Variants in THADA observed in about 807,000 individuals in gnomAD.
THADA encodes the protein tRNA (32-2'-O)-methyltransferase regulator THADA.
In THADA, 213 loss-of-function variants were observed where a neutral mutation model predicts 219.8. The observed-to-expected ratio is 0.97, with a 90% CI of 0.87 to 1.09. THADA has a LOEUF of 1.09. Among genes scored for constraint, THADA ranks in the 50% least tolerant of loss-of-function variants. THADA has a pLI of 0.00. For synonymous variants in THADA, 1,018 were observed against 828.9 expected (o/e 1.23, Z -3.92); for missense variants, 2,956 against 2,311.3 (o/e 1.28, Z -5.72).
intron 26 of THADA, among the ~76,000 whole-genome samples, chr2:43,474,964 G>GA (rs1224233997): frequency 3.3e-5 from 5 of 152,008 alleles, no homozygotes; most frequent in Non-Finnish European, 5.9e-5. Context: ...AGTATATGCT[G>GA]AAAAAAACAT....
chr2:43,289,976 GT>G (rs59073038), intron 34 of THADA, among the ~76,000 whole-genome samples: 72,352 of 91,896 alleles, frequency 0.79, 27,570 homozygotes, highest in East Asian at 0.93. Context: ...TTTTGTTTTT[GT>G]TTTTTTTTTT....
At chr2:43,430,661 T>A in intron 26 of THADA, 1 of 457,884 alleles carries the variant, frequency 2.2e-6, no homozygotes, top group Non-Finnish European at 4.4e-6. Flanking sequence ...CTGACTCAGC[T>A]TCAGTGATAA....
At chr2:43,428,725 T>C (rs1270365702) in intron 27 of THADA, among the ~76,000 whole-genome samples, 1 of 152,148 alleles carries the variant, frequency 6.6e-6, no homozygotes, top group Non-Finnish European at 1.5e-5. Flanking sequence ...AAAAAACTAC[T>C]AGCAAAACAG....
intron 30 of THADA, among the ~76,000 whole-genome samples, chr2:43,340,905 G>T (rs780232338): frequency 2.0e-5 from 3 of 152,170 alleles, no homozygotes; most frequent in Non-Finnish European, 4.4e-5. Flanking sequence ...ACAACTCCCA[G>T]AACAAGAGGA....
chr2:43,434,843 T>G (rs1374214600), intron 26 of THADA, among the ~76,000 whole-genome samples: 2 of 151,520 alleles, frequency 1.3e-5, no homozygotes, highest in Non-Finnish European at 2.9e-5. Flanking sequence ...GGCAAGGGGG[T>G]CTAATTGAGC....
chr2:43,588,907 T>C (rs979870916), intron 4 of THADA, among the ~76,000 whole-genome samples: 3 of 152,268 alleles, frequency 2.0e-5, no homozygotes, highest in Admixed American at 2.0e-4. Flanking sequence ...TTATACCATG[T>C]AATATAAATC....
chr2:43,320,647 C>A lies in THADA; in HGVS notation c.4344-107G>T, dbSNP rs1018141408. Reference sequence around the variant, plus strand: ...TCTATGGTATATGATGGGGCTTAAGCAGCTATGGCAAATATTAAGAAATGA... The same window carrying A: ...TCTATGGTATATGATGGGGCTTAAGAAGCTATGGCAAATATTAAGAAATGA... On this transcript the variant is annotated intron_variant, in intron 30 of 37. Transcript: ENST00000405975. 7.3e-6 allele frequency: 5 copies of A among 687,764 alleles called. No individual in the cohort carries two copies. In the African/African-American group the frequency reaches 9.0e-5, roughly 12 times the overall value. 42.6% of individuals were successfully genotyped at this position (687,764 alleles called of 1,614,324 possible).
intron 29 of THADA, among the ~76,000 whole-genome samples, chr2:43,360,179 T>G (rs146425458): frequency 3.3e-5 from 5 of 152,232 alleles, no homozygotes; most frequent in Non-Finnish European, 7.3e-5. Flanking sequence ...TCTCATGCCA[T>G]AGCACTTATC....
Position 43,428,113 on chromosome 2 carries a change from G to T in THADA, c.4045C>A (p.Pro1349Thr). The change falls in exon 28 of 38, where the codon CCC becomes ACC. Residue 1349 changes from proline to threonine, a missense_variant. Pro to Thr is a conservative substitution (Grantham distance 38). Coordinates refer to ENST00000405975, the MANE Select transcript of THADA (RefSeq NM_022065.5). ...GCATGACACTACCTCATAATGAAGGGAACAAAAGGTCCCATGCTGAGAGCA... is the reference window on the plus strand; with the variant it reads ...GCATGACACTACCTCATAATGAAGGTAACAAAAGGTCCCATGCTGAGAGCA... Reference protein sequence around the residue: ...SSALSMGPFVPFIMRCGHSPV... With the variant: ...SSALSMGPFVTFIMRCGHSPV... 1 of 1,609,158 alleles carries T rather than the reference G, an allele frequency of 6.2e-7. No individual in the cohort carries two copies. The highest frequency in any genetic ancestry group is 8.5e-7 in the Non-Finnish European group (1 of 1,177,166).
intron 30 of THADA, among the ~76,000 whole-genome samples, chr2:43,327,184 C>G (rs1679431351): frequency 6.6e-6 from 1 of 151,958 alleles, no homozygotes. Context: ...GAAGGAATTC[C>G]AAAAAATCAA....
chr2:43,447,134 G>C (rs547628256), intron 26 of THADA, among the ~76,000 whole-genome samples: 9 of 152,126 alleles, frequency 5.9e-5, no homozygotes, highest in Non-Finnish European at 1.0e-4. Flanking sequence ...CAGCAGGAGA[G>C]AGAATAAGAG....
intron 26 of THADA, among the ~76,000 whole-genome samples, chr2:43,483,695 C>G (rs1686528105): frequency 6.6e-6 from 1 of 151,878 alleles, no homozygotes; most frequent in South Asian, 2.1e-4. Flanking sequence ...CTTCCTCCCT[C>G]AGATACAACC....
intron 26 of THADA, among the ~76,000 whole-genome samples, chr2:43,438,062 G>A (rs1442707341): frequency 2.0e-5 from 3 of 152,110 alleles, no homozygotes; most frequent in Admixed American, 6.5e-5. Flanking sequence ...AGCACTTTGG[G>A]AGGCAGAGAT....
chr2:43,284,082 G>C (rs1673693504), intron 35 of THADA, among the ~76,000 whole-genome samples: 1 of 152,226 alleles, frequency 6.6e-6, no homozygotes, highest in Non-Finnish European at 1.5e-5. Context: ...AGGAGGCTGA[G>C]GCAGGAGAAT....
chr2:43,463,942 T>C (rs1249096499), intron 26 of THADA, among the ~76,000 whole-genome samples: 2 of 152,182 alleles, frequency 1.3e-5, no homozygotes, highest in Admixed American at 6.5e-5. Context: ...AATAAACTGA[T>C]CTCTATTTTA....
intron 36 of THADA, among the ~76,000 whole-genome samples, chr2:43,246,943 A>G (rs919974911): frequency 6.6e-6 from 1 of 152,258 alleles, no homozygotes; most frequent in African/African-American, 2.4e-5. Context: ...CCTTTCAGGA[A>G]CATGCCAAGG....
At chr2:43,494,249 C>T (rs1687994728) in intron 25 of THADA, among the ~76,000 whole-genome samples, 1 of 152,178 alleles carries the variant, frequency 6.6e-6, no homozygotes, top group Non-Finnish European at 1.5e-5. Flanking sequence ...GAAGATGCAC[C>T]ATGTACAAGA....
At chr2:43,282,521 A>C (rs1042634243) in intron 35 of THADA, among the ~76,000 whole-genome samples, 1 of 152,212 alleles carries the variant, frequency 6.6e-6, no homozygotes. Context: ...CCTTGGAGGC[A>C]GTGACCATGT....
chr2:43,304,751 A>G (rs939081360), intron 31 of THADA, among the ~76,000 whole-genome samples: 1 of 149,720 alleles, frequency 6.7e-6, no homozygotes, highest in African/African-American at 2.5e-5. Context: ...GGCTCACCGC[A>G]ACCTCCGCCT....
Sources: gnomAD v4.1 joint callset for allele counts (sites outside exome capture counted in the v4.1 genomes callset) on GRCh38, gnomAD v4.1.1 for gene constraint, MANE v1.5 for transcripts, NCBI Gene and HGNC (gene_info 2026-07-23, HGNC 2026-07-21) for gene names.